Variants in ZNF821 observed in about 807,000 individuals in gnomAD.
ZNF821 encodes zinc finger protein 821.
A neutral mutation model predicts 44.3 loss-of-function variants in ZNF821; 16 were observed. The observed-to-expected ratio is 0.36, with a 90% confidence interval of 0.24 to 0.55. The LOEUF (loss-of-function observed/expected upper bound fraction) is 0.55. Among genes scored for constraint, ZNF821 ranks in the 20% least tolerant of loss-of-function variants. The probability of loss-of-function intolerance (pLI) is 0.86; values close to 1 mark genes in which losing one functional copy is unlikely to be tolerated. For missense variants in ZNF821, 436 were observed against 547.6 expected (o/e 0.80, Z 2.03); for synonymous variants, 204 against 197.6 (o/e 1.03, Z -0.27).
At chr16:71,894,576 A>C in intron 1 of ZNF821, 1 of 343,216 alleles carries the variant, frequency 2.9e-6, no homozygotes, top group Non-Finnish European at 5.4e-6. Flanking sequence ...CCTAGGCTGG[A>C]GTGCTGTGAC....
intron 5 of ZNF821, 115 bp downstream of exon 5, chr16:71,864,788 A>G (rs2142364687): frequency 2.3e-6 from 3 of 1,318,376 alleles, no homozygotes; most frequent in African/African-American, 1.5e-5. Context: ...GAGGCCTCCC[A>G]TGCAGGCCCA....
chr16:71,871,900 C>T (rs1216792030), intron 3 of ZNF821, among the ~76,000 whole-genome samples: 4 of 151,472 alleles, frequency 2.6e-5, no homozygotes, highest in Admixed American at 6.6e-5. Context: ...GGCGCAATCT[C>T]GGCTCACTGC....
In ZNF821 at chr16:71,860,593, C is replaced by G. The variant is rs763783028; in HGVS notation, c.664G>C (p.Asp222His). 1.2e-6 allele frequency: 2 copies of G among 1,614,130 alleles called. No individual in the cohort carries two copies. The highest frequency in any genetic ancestry group is 1.7e-6 in the Non-Finnish European group (2 of 1,180,042). The change falls in exon 8 of 8, where the codon GAT (aspartate) becomes CAT (histidine). Residue 222 changes from aspartate (D) to histidine (H), a missense_variant. This residue lies in a region of ZNF821 where 238 missense variants were observed against 281.4 expected (regional missense o/e 0.85). Transcript: ENST00000425432. This position sits in a 1 kb window ranked among gnomAD's most constrained non-coding sequence, Gnocchi z 7.3. ...TACACTGGAGGACTAAAGGCAATAT[C>G]CTTCCCCTCAGCACTGGAGGGACCC... is the stretch of plus-strand genomic sequence containing the variant. Reference protein sequence around the residue: ...NEGPSSAEGKDIAFSPPVYPA... With the variant: ...NEGPSSAEGKHIAFSPPVYPA...
chr16:71,860,465 A>C lies in ZNF821; in HGVS notation c.792T>G (p.Asn264Lys). Residue 264 changes from asparagine (N) to lysine (K), a missense_variant, in exon 8 of 8, where the codon AAT (asparagine) becomes AAG (lysine). Transcript: ENST00000425432. The surrounding 1 kb of genome is among the most constrained non-coding windows in gnomAD (Gnocchi z 7.3). ...SVRKWALRRQ[N>K]EPLEVRLQRL... The stretch of plus-strand genomic sequence containing the variant: ...GCTGCAGCCGTACTTCCAAAGGCTC[A>C]TTCTGTCGACGTAGAGCCCACTTGC... 2.5e-6 allele frequency: 4 copies of C among 1,614,084 alleles called. No individual in the cohort carries two copies. The highest frequency in any genetic ancestry group is 2.5e-6 in the Non-Finnish European group (3 of 1,180,030).
chr16:71,864,183 C>A lies in ZNF821; in HGVS notation c.372G>T (p.Gln124His). The A allele has an allele frequency of 1.2e-6, 2 of 1,614,240 alleles. No homozygotes were observed. Among genetic ancestry groups the A allele is most frequent in the South Asian group, 1.1e-5 (1 of 91,088 alleles). Reference sequence around the variant, plus strand: ...ACTGCTCCCGGCTCCCGCAGTCTAGCTGGCAGAGGGGACACTGGCAGAGTT... The same window carrying A: ...ACTGCTCCCGGCTCCCGCAGTCTAGATGGCAGAGGGGACACTGGCAGAGTT... ...LLELCQCPLC[Q>H]LDCGSREQLI... The change falls in exon 6 of 8, where the codon CAG becomes CAT. Residue 124 changes from glutamine (Q) to histidine (H), a missense_variant. Gln to His is a conservative substitution (Grantham distance 24, BLOSUM62 0). Coordinates refer to ENST00000425432, the MANE Select transcript of ZNF821 (RefSeq NM_001201552.2).
intron 1 of ZNF821, among the ~76,000 whole-genome samples, chr16:71,892,696 G>A (rs1376158065): frequency 1.4e-5 from 2 of 143,636 alleles, no homozygotes; most frequent in Non-Finnish European, 3.0e-5. Context: ...CTCTGCCTCC[G>A]AATTAGCTGA....
At chr16:71,885,732 C>A (rs954579719), upstream of ZNF821, among the ~76,000 whole-genome samples, 6 of 152,128 alleles carry the variant, frequency 3.9e-5, no homozygotes, top group Non-Finnish European at 5.9e-5. Flanking sequence ...ATAAATAGCT[C>A]ATTCATCATT....
At chr16:71,883,338 G>A (rs968997716) in intron 1 of ZNF821, 65 bp from the exon 2 acceptor site, 2 of 405,444 alleles carry the variant, frequency 4.9e-6, no homozygotes, top group Non-Finnish European at 9.8e-6. Flanking sequence ...CTGACCCCTG[G>A]GGTTGGGTCT....
chr16:71,894,753 C>A, intron 1 of ZNF821: 2 of 884,810 alleles, frequency 2.3e-6, no homozygotes, highest in South Asian at 1.5e-5. Flanking sequence ...CCAGGCTGGT[C>A]TGCAACTCCC....
intron 1 of ZNF821, among the ~76,000 whole-genome samples, chr16:71,893,231 G>T (rs1188156683): frequency 6.7e-6 from 1 of 149,946 alleles, no homozygotes; most frequent in African/African-American, 2.5e-5. Context: ...GTTTCACCGT[G>T]TTAGCCAGGG....
intron 1 of ZNF821, among the ~76,000 whole-genome samples, chr16:71,892,178 C>CAAAAAAA (rs560376648): frequency 0.024 from 779 of 31,912 alleles, 129 homozygotes; most frequent in East Asian, 0.07. Flanking sequence ...AACTCCGTCT[C>CAAAAAAA]AAAAAAAAAA....
chr16:71,885,048 G>T (rs1049187959), upstream of ZNF821, among the ~76,000 whole-genome samples: 39 of 152,084 alleles, frequency 2.6e-4, no homozygotes, highest in Non-Finnish European at 2.9e-5. Context: ...AGTAGACGGG[G>T]TTTCACCATG....
chr16:71,873,948 C>T (rs1032166507), intron 3 of ZNF821, among the ~76,000 whole-genome samples: 4 of 146,822 alleles, frequency 2.7e-5, no homozygotes, highest in Non-Finnish European at 5.9e-5. Flanking sequence ...CGACCACGCC[C>T]GGCTGGAATT....
At chr16:71,863,722 G>C (rs2034199796) in intron 6 of ZNF821, among the ~76,000 whole-genome samples, 1 of 151,698 alleles carries the variant, frequency 6.6e-6, no homozygotes, top group African/African-American at 2.4e-5. Flanking sequence ...TTTTGAGACA[G>C]AGTCTAACTC....
rs1396485237 is a variant in ZNF821 at position 71,867,953 on chromosome 16, C to T, written c.125G>A (p.Arg42Gln). The T allele has an allele frequency of 7.8e-6, 12 of 1,535,924 alleles. No homozygotes were observed. In the Admixed American group the frequency reaches 1.6e-4, roughly 20 times the overall value. ...ATCTCTTAGTTGTTGGATAGCTTGT[C>T]GCTGACTGCCAAGGTCTCCAGGAAA... ...TDFPGDLGSQ[R>Q]QAIQQLRDQD... The change falls in exon 4 of 8, where the codon CGA becomes CAA. Residue 42 changes from arginine (R) to glutamine (Q), a missense_variant. Around this residue, in one of 5 missense-constraint regions of ZNF821, gnomAD observed 238 missense variants for 281.4 expected, o/e 0.85. Transcript: ENST00000425432.
At chr16:71,892,441 TGTATTTTTA>T (rs2036892426) in intron 1 of ZNF821, among the ~76,000 whole-genome samples, 1 of 150,716 alleles carries the variant, frequency 6.6e-6, no homozygotes, top group African/African-American at 2.4e-5. Context: ...TAATTTTTTT[TGTATTTTTA>T]GTAGAGACGG....
chr16:71,884,365 T>TC (rs1045831782), upstream of ZNF821, among the ~76,000 whole-genome samples: 15 of 152,016 alleles, frequency 9.9e-5, no homozygotes, highest in African/African-American at 3.6e-4. Flanking sequence ...TCGCCCGCGT[T>TC]CCAGGGCTCC....
chr16:71,892,349 C>T (rs1046251662), intron 1 of ZNF821, among the ~76,000 whole-genome samples: 1 of 151,292 alleles, frequency 6.6e-6, no homozygotes, highest in Admixed American at 6.6e-5. Flanking sequence ...TCACTGCAAG[C>T]TCCGCCTCCC....
At chr16:71,877,915 A>C (rs1222592564) in intron 3 of ZNF821, among the ~76,000 whole-genome samples, 1 of 148,682 alleles carries the variant, frequency 6.7e-6, no homozygotes, top group South Asian at 2.1e-4. Context: ...GCAACACCTC[A>C]TCTCAAAAAA....
Sources: allele counts gnomAD v4.1 joint callset (sites outside exome capture counted in the v4.1 genomes callset), GRCh38; gene constraint gnomAD v4.1.1; regional missense constraint gnomAD v4.1.1; non-coding constraint Gnocchi (gnomAD v3.1); transcripts MANE v1.5; gene names NCBI Gene and HGNC (gene_info 2026-07-23, HGNC 2026-07-21).